CASD1: variants seen among roughly 807,000 people sequenced by gnomAD.
CASD1 encodes N-acetylneuraminate (7)9-O-acetyltransferase.
CASD1 carries 41 observed loss-of-function variants against 100.0 expected under a neutral mutation model. The observed-to-expected ratio is 0.41, with a 90% CI of 0.32 to 0.53. The LOEUF is 0.53. Ranked by LOEUF, CASD1 falls within the 20% of genes least tolerant of loss-of-function variation. The pLI, the probability that CASD1 is intolerant of heterozygous loss-of-function variation, is 0.25. For synonymous variants in CASD1, 321 were observed against 315.6 expected, an observed-to-expected ratio of 1.02 and a Z score of -0.18; for missense variants, 774 against 948.7, an observed-to-expected ratio of 0.82 and a Z score of 2.42.
the CASD1 span, chr7:94,625,789 G>C: frequency 3.3e-5 from 5 of 151,992 alleles, no homozygotes; most frequent in African/African-American, 1.2e-4. Flanking sequence ...CTTGCTGATA[G>C]ACTTTTGGGT....
At chr7:94,535,917 C>T (rs10266343) in intron 8 of CASD1, among the ~76,000 whole-genome samples, 80,290 of 152,028 alleles carry the variant, frequency 0.53, 22,004 homozygotes, top group South Asian at 0.73. Context: ...GAATACACTT[C>T]TTAATGCTGA....
chr7:94,573,690 A>G, the CASD1 span, among the ~76,000 whole-genome samples: 1 of 152,162 alleles, frequency 6.6e-6, no homozygotes, highest in Non-Finnish European at 1.5e-5. Context: ...ATAGTTTGAT[A>G]TCCACTTTTC....
chr7:94,598,999 A>G, the CASD1 span: 9 of 1,500,464 alleles, frequency 6.0e-6, 1 homozygote, highest in South Asian at 1.0e-4. Context: ...ATATATTTAA[A>G]ATCATATATT....
rs528040467 is a variant in CASD1 at position 94,526,563 on chromosome 7, T to C, written c.352-599T>C. On this transcript the variant is annotated intron_variant, in intron 3 of 17. Transcript: ENST00000297273. The stretch of plus-strand genomic sequence containing the variant: ...CAGCACTTTGGGAGGCTGAGGTGAG[T>C]GGATCACTTGAGCCCAGGAGTTCGA... 2.0e-5 allele frequency among the ~76,000 whole-genome samples: 3 copies of C among 152,154 alleles called. No individual in the cohort carries two copies. The South Asian group carries it at 6.2e-4, about 32-fold the overall frequency.
rs754844206 is a variant in CASD1, at chr7:94,556,291, A to G, written c.*533A>G. On this transcript the variant is annotated 3_prime_UTR_variant, in exon 18 of 18. Transcript: ENST00000297273. ...GATAAACAGTATGCCTTTAATTTAT[A>G]TGTGTTCTTGTTCTGATGTTGTTTC... 6.6e-6 allele frequency: 1 copy of G among 152,378 alleles called. No individual in the cohort carries two copies. The allele number at this position is 152,378 out of a possible 1,614,324, so 9.4% of individuals were successfully genotyped here.
At chr7:94,547,985 TAA>T (rs1467865276) in intron 13 of CASD1, among the ~76,000 whole-genome samples, 1 of 151,806 alleles carries the variant, frequency 6.6e-6, no homozygotes, top group Non-Finnish European at 1.5e-5. Flanking sequence ...TTTTTATACT[TAA>T]AAGTCTTTAA....
At position 94,533,092 on chromosome 7, in the gene CASD1, G is replaced by T. The variant is rs903471833; in HGVS notation, c.460-113G>T. 11 of 610,252 alleles carry T rather than the reference G, an allele frequency of 1.8e-5. No individual in the cohort carries two copies. The East Asian group carries it at 3.0e-4, about 17-fold the overall frequency. 37.8% of individuals were successfully genotyped at this position (610,252 alleles called of 1,614,324 possible). On this transcript the variant is annotated intron_variant, in intron 5 of 17. Transcript: ENST00000297273. The stretch of plus-strand genomic sequence containing the variant: ...AATAATAAGGAATTCTAAAAACTTA[G>T]AATGAATTTAGAAGGAAGAACTTAC...
chr7:94,564,371 A>G, the CASD1 span, among the ~76,000 whole-genome samples: 1 of 152,206 alleles, frequency 6.6e-6, no homozygotes, highest in African/African-American at 2.4e-5. Context: ...CTATCCCTGC[A>G]TTCTTTGGAT....
intron 1 of CASD1, among the ~76,000 whole-genome samples, chr7:94,513,564 G>C (rs574804725): frequency 1.3e-5 from 2 of 152,246 alleles, no homozygotes; most frequent in South Asian, 4.1e-4. Context: ...TTTCCTTCAA[G>C]GCCTGGTTCA....
the CASD1 span, chr7:94,621,399 G>C: frequency 6.6e-6 from 1 of 152,134 alleles, no homozygotes; most frequent in Non-Finnish European, 1.5e-5. Flanking sequence ...TTCCAAACCC[G>C]TTATTTAGAC....
chr7:94,605,238 G>A, the CASD1 span, among the ~76,000 whole-genome samples: 1 of 151,916 alleles, frequency 6.6e-6, no homozygotes, highest in South Asian at 2.1e-4. Flanking sequence ...ATATGCAGAG[G>A]GCTCTAATGA....
intron 7 of CASD1, among the ~76,000 whole-genome samples, chr7:94,534,261 G>A (rs1187924160): frequency 6.7e-6 from 1 of 148,314 alleles, no homozygotes; most frequent in African/African-American, 2.5e-5. Flanking sequence ...CCGCCTCCCA[G>A]GCTCAAGCGA....
chr7:94,598,973 A>G, the CASD1 span: 1 of 1,607,360 alleles, frequency 6.2e-7, no homozygotes, highest in Non-Finnish European at 8.5e-7. Context: ...GCTAGGTCAA[A>G]AAGAAATAAA....
At chr7:94,524,584 G>A (rs772550424) in intron 3 of CASD1, among the ~76,000 whole-genome samples, 8 of 152,016 alleles carry the variant, frequency 5.3e-5, no homozygotes, top group African/African-American at 1.2e-4. Flanking sequence ...AATAATTTGC[G>A]TTATCATTTG....
At chr7:94,526,938 C>G (rs1794598589) in intron 3 of CASD1, among the ~76,000 whole-genome samples, 1 of 152,130 alleles carries the variant, frequency 6.6e-6, no homozygotes, top group Non-Finnish European at 1.5e-5. Flanking sequence ...TGAACTATAT[C>G]TTAGATGTTG....
At chr7:94,513,108 G>T (rs1050082446) in intron 1 of CASD1, among the ~76,000 whole-genome samples, 1 of 152,064 alleles carries the variant, frequency 6.6e-6, no homozygotes, top group East Asian at 1.9e-4. Flanking sequence ...AGGCTGAGGC[G>T]GGTGGATCAC....
At chr7:94,559,630 A>G (rs781654836), downstream of CASD1, among the ~76,000 whole-genome samples, 2 of 152,054 alleles carry the variant, frequency 1.3e-5, no homozygotes, top group Non-Finnish European at 2.9e-5. Context: ...GGTTCAAGCA[A>G]TTCTCCTGCC....
chr7:94,574,186 T>C, the CASD1 span, among the ~76,000 whole-genome samples: 4 of 152,150 alleles, frequency 2.6e-5, no homozygotes, highest in African/African-American at 9.7e-5. Flanking sequence ...GCCTGCAGTT[T>C]TCTTTTTTGT....
the CASD1 span, chr7:94,585,534 A>T: frequency 6.3e-7 from 1 of 1,581,848 alleles, no homozygotes; most frequent in South Asian, 1.1e-5. Context: ...TGTAAGAATG[A>T]ATATGGGCAG....
Sources: allele counts gnomAD v4.1 joint callset (sites outside exome capture counted in the v4.1 genomes callset), GRCh38; gene constraint gnomAD v4.1.1; transcripts MANE v1.5; gene names NCBI Gene and HGNC (gene_info 2026-07-23, HGNC 2026-07-21).